EFNA5: variants seen among roughly 807,000 people sequenced by gnomAD.
EFNA5 encodes the protein ephrin A5, also known as ephrin-A5.
A neutral mutation model predicts 22.9 loss-of-function variants in EFNA5; 5 were observed. The observed-to-expected ratio is 0.22, with a 90% CI of 0.11 to 0.46. EFNA5 has a LOEUF of 0.46. Ranked by LOEUF, EFNA5 falls within the 20% of genes least tolerant of loss-of-function variation. The pLI is 0.99. For missense variants in EFNA5, 237 were observed against 293.3 expected (o/e 0.81, Z 1.40); for synonymous variants, 113 against 112.2 (o/e 1.01, Z -0.04).
At chr5:107,639,620 G>A (rs1356182039) in intron 1 of EFNA5, among the ~76,000 whole-genome samples, 1 of 152,114 alleles carries the variant, frequency 6.6e-6, no homozygotes, top group Non-Finnish European at 1.5e-5. Flanking sequence ...AATGTATTAA[G>A]TGCCCAGCAC....
rs549250819 is a variant in EFNA5 at position 107,572,511 on chromosome 5, A to G, written c.125+97978T>C. On this transcript the variant is annotated intron_variant, in intron 1 of 4. Coordinates refer to ENST00000333274, the MANE Select transcript of EFNA5 (RefSeq NM_001962.3). ...GCCAAAGGGAACCTGCCATGAAAAG[A>G]TTCTTAAGTCATTCACAGATACAGT... Among the ~76,000 whole-genome samples, 321 of 152,352 alleles carry G rather than the reference A, an allele frequency of 2.1e-3. 2 individuals are homozygous for G. Among genetic ancestry groups the G allele is most frequent in the Non-Finnish European group, 3.5e-3 (237 of 68,032 alleles).
At chr5:107,607,400 G>C (rs1429231812) in intron 1 of EFNA5, among the ~76,000 whole-genome samples, 1 of 152,182 alleles carries the variant, frequency 6.6e-6, no homozygotes, top group Non-Finnish European at 1.5e-5. Context: ...ATTTGCAGTA[G>C]AGTTTGAGCC....
intron 1 of EFNA5, among the ~76,000 whole-genome samples, chr5:107,508,600 G>A (rs1211312805): frequency 6.6e-6 from 1 of 152,082 alleles, no homozygotes; most frequent in Non-Finnish European, 1.5e-5. Flanking sequence ...GAAATATCAA[G>A]GTCAGCCCTG....
chr5:107,527,058 C>T (rs1007301800), intron 1 of EFNA5, among the ~76,000 whole-genome samples: 7 of 151,976 alleles, frequency 4.6e-5, no homozygotes, highest in Non-Finnish European at 7.4e-5. Flanking sequence ...GGAAAAAATA[C>T]CTTTGTGTTG....
intron 1 of EFNA5, among the ~76,000 whole-genome samples, chr5:107,637,870 G>A (rs1033600720): frequency 5.7e-5 from 8 of 140,006 alleles, no homozygotes; most frequent in Non-Finnish European, 9.7e-5. Flanking sequence ...TATTTTTGAC[G>A]GAGTCTCACT....
Position 107,670,691 on chromosome 5 carries a change from A to G in EFNA5, c.-78T>C. On this transcript the variant is annotated 5_prime_UTR_variant, in exon 1 of 5. Coordinates refer to ENST00000333274, the MANE Select transcript of EFNA5 (RefSeq NM_001962.3). The stretch of plus-strand genomic sequence containing the variant: ...GGATCCGGAGGGAGGGAGGCAGGCA[A>G]AGGGACAGAGAGAGAGCGGGCGCCA... The G allele has an allele frequency of 6.4e-7, 1 of 1,550,730 alleles. No homozygotes were observed. Among genetic ancestry groups the G allele is most frequent in the South Asian group, 1.2e-5 (1 of 83,716 alleles).
At chr5:107,469,526 T>C (rs143717214) in intron 1 of EFNA5, among the ~76,000 whole-genome samples, 1 of 152,190 alleles carries the variant, frequency 6.6e-6, no homozygotes, top group Non-Finnish European at 1.5e-5. Context: ...TTAACAATCA[T>C]CTGAAAGTCA....
At position 107,663,286 on chromosome 5, in the gene EFNA5, G is replaced by A. The variant is rs112666040; in HGVS notation, c.125+7203C>T. On this transcript the variant is annotated intron_variant, in intron 1 of 4. Transcript: ENST00000333274. ...CAAGCTTTTCTAAATCAGGAAATAA[G>A]CACTTAATCATATTTTTTCTAATCT... 4.9e-3 allele frequency among the ~76,000 whole-genome samples: 748 copies of A among 152,094 alleles called. 9 individuals are homozygous for A. The highest frequency in any genetic ancestry group is 0.017 in the African/African-American group (693 of 41,520).
intron 1 of EFNA5, among the ~76,000 whole-genome samples, chr5:107,593,026 G>A (rs1749407480): frequency 1.3e-5 from 2 of 152,182 alleles, no homozygotes. Flanking sequence ...AAAGAGATGT[G>A]AGAAACTAAC....
intron 1 of EFNA5, among the ~76,000 whole-genome samples, chr5:107,670,029 TTAAAA>T (rs1561465695): frequency 2.3e-5 from 1 of 42,620 alleles, no homozygotes; most frequent in African/African-American, 1.1e-4. Flanking sequence ...AAAATTAAAA[TTAAAA>T]AAAAAAAAAA....
intron 1 of EFNA5, among the ~76,000 whole-genome samples, chr5:107,604,614 C>T (rs976050263): frequency 2.0e-5 from 3 of 152,100 alleles, no homozygotes; most frequent in Admixed American, 1.3e-4. Flanking sequence ...ATAATTAGAA[C>T]TTAAAAAAAT....
chr5:107,523,929 GA>G (rs1480906685), intron 1 of EFNA5, among the ~76,000 whole-genome samples: 85 of 152,272 alleles, frequency 5.6e-4, no homozygotes, highest in African/African-American at 2.0e-3. Context: ...TATGCTAATA[GA>G]AAATAATTAA....
At chr5:107,604,512 C>G (rs952584058) in intron 1 of EFNA5, among the ~76,000 whole-genome samples, 3 of 152,152 alleles carry the variant, frequency 2.0e-5, no homozygotes, top group African/African-American at 7.2e-5. Flanking sequence ...ATTCAGCACA[C>G]TGCTCTACAA....
chr5:107,563,935 T>C (rs573023607), intron 1 of EFNA5, among the ~76,000 whole-genome samples: 10 of 152,338 alleles, frequency 6.6e-5, no homozygotes, highest in Middle Eastern at 3.4e-3. Context: ...TCTACCTTCC[T>C]GGTACAAACA....
rs114323711 is a variant in EFNA5 at position 107,645,653 on chromosome 5, T to C, written c.125+24836A>G. Among the ~76,000 whole-genome samples, 1,163 of 152,326 alleles carry C rather than the reference T, an allele frequency of 7.6e-3. 6 individuals carry two copies. Among genetic ancestry groups the C allele is most frequent in the Middle Eastern group, 0.017 (5 of 294 alleles). On this transcript the variant is annotated intron_variant, in intron 1 of 4. Coordinates refer to ENST00000333274, the MANE Select transcript of EFNA5 (RefSeq NM_001962.3). ...GGTAGTTCTTTTCATTCACATCTTA[T>C]GGATATTACATATACTTAAAGTCAT...
chr5:107,557,193 A>G (rs1377930006), intron 1 of EFNA5, among the ~76,000 whole-genome samples: 2 of 152,160 alleles, frequency 1.3e-5, no homozygotes, highest in East Asian at 3.9e-4. Flanking sequence ...GGCTGTAAAC[A>G]TATTTGCCTT....
intron 1 of EFNA5, among the ~76,000 whole-genome samples, chr5:107,528,268 A>G (rs567726574): frequency 4.7e-4 from 71 of 152,336 alleles, no homozygotes; most frequent in African/African-American, 1.6e-3. Context: ...TAAGCCAGAA[A>G]GAAGACCTTT....
In EFNA5 at chr5:107,637,534, G is replaced by GTA. The variant is rs1157106456; in HGVS notation, c.125+32954_125+32955insTA. Among the ~76,000 whole-genome samples, 13 of 151,718 alleles carry GTA rather than the reference G, an allele frequency of 8.6e-5. No homozygotes were observed. The South Asian group carries it at 2.3e-3, about 27-fold the overall frequency. The stretch of plus-strand genomic sequence containing the variant: ...TGTGTGTGTCTGTGTGTGTGTGTGT[G>GTA]TGTGTGTGGGTTTGCTTTTCAAGTA... On this transcript the variant is annotated intron_variant, in intron 1 of 4. Transcript: ENST00000333274.
intron 1 of EFNA5, among the ~76,000 whole-genome samples, chr5:107,471,310 C>T (rs1370990246): frequency 1.3e-5 from 2 of 152,068 alleles, no homozygotes; most frequent in African/African-American, 4.8e-5. Context: ...GCCTCCAATT[C>T]CCTCACTCCT....
Sources: allele counts gnomAD v4.1 joint callset (sites outside exome capture counted in the v4.1 genomes callset), GRCh38; gene constraint gnomAD v4.1.1; transcripts MANE v1.5; gene names NCBI Gene and HGNC (gene_info 2026-07-23, HGNC 2026-07-21).